The following CAPN7 variants were observed in gnomAD, a reference collection of about 807,000 sequenced individuals.
The protein encoded by CAPN7 is calpain 7.
A neutral mutation model predicts 115.2 loss-of-function variants in CAPN7; 72 were observed. The ratio of observed to expected loss-of-function variants is 0.63; its 90% CI spans 0.52 to 0.76. The LOEUF (loss-of-function observed/expected upper bound fraction) is 0.76, where lower values mean the gene tolerates loss of function less well. CAPN7 is among the 30% of genes least tolerant of loss of function. The pLI is 0.00. For missense variants in CAPN7, 905 were observed against 971.5 expected (o/e 0.93, Z 0.91); for synonymous variants, 344 against 322.3 (o/e 1.07, Z -0.72).
At chr3:15,238,766 T>C (rs1241389196) in intron 12 of CAPN7, among the ~76,000 whole-genome samples, 3 of 151,890 alleles carry the variant, frequency 2.0e-5, no homozygotes, top group Non-Finnish European at 2.9e-5. Context: ...GGTGTTATCA[T>C]AGAATTTCTG....
rs1182191619 is a variant in CAPN7, at chr3:15,252,864, G to A, written c.*1604G>A. ...ATTGAGTGTTTACTATGTACCCAAT[G>A]TGTATATTTTTCTTTTTAATCTTCC... On this transcript the variant is annotated 3_prime_UTR_variant, in exon 21 of 21. Transcript: ENST00000253693. The A allele has an allele frequency of 7.5e-6, 1 of 132,482 alleles. No homozygotes were observed. Among genetic ancestry groups the A allele is most frequent in the Admixed American group, 7.0e-5 (1 of 14,350 alleles). 8.2% of individuals were successfully genotyped at this position (132,482 alleles called of 1,614,324 possible).
intron 17 of CAPN7, chr3:15,246,468 T>C: frequency 2.5e-6 from 1 of 406,250 alleles, no homozygotes; most frequent in Non-Finnish European, 4.4e-6. Context: ...TGGGAGCTGC[T>C]GCCACCCATT....
chr3:15,208,759 A>C (rs756256994), intron 1 of CAPN7, among the ~76,000 whole-genome samples: 12 of 152,174 alleles, frequency 7.9e-5, no homozygotes, highest in Non-Finnish European at 1.5e-4. Context: ...CAGAATTGAT[A>C]AATCAAAGGG....
intron 1 of CAPN7, chr3:15,210,853 A>T: frequency 7.8e-7 from 1 of 1,289,592 alleles, no homozygotes; most frequent in Non-Finnish European, 1.0e-6. Context: ...AGTGATGTTC[A>T]GTAGATGGCA....
Position 15,241,577 on chromosome 3 carries a change from A to T in CAPN7, c.1777A>T (p.Ile593Leu), listed in dbSNP as rs148188341. The T allele has an allele frequency of 6.2e-6, 10 of 1,613,872 alleles. No individual in the cohort carries two copies. The highest frequency in any genetic ancestry group is 7.6e-6 in the Non-Finnish European group (9 of 1,179,922). The change falls in exon 15 of 21, where the codon ATA becomes TTA. Residue 593 changes from isoleucine (I) to leucine (L), a missense_variant. Ile to Leu is a conservative substitution (Grantham distance 5). Coordinates refer to ENST00000253693, the MANE Select transcript of CAPN7 (RefSeq NM_014296.3). ...AGTTTGGGTTTTGCTTAGTAGACAC[A>T]TAACAGACAAGGTACTGATACCCTT... ...AAVWVLLSRH[I>L]TDKDDFANNR...
intron 19 of CAPN7, among the ~76,000 whole-genome samples, chr3:15,248,165 T>TA (rs1332639914): frequency 3.3e-5 from 5 of 151,356 alleles, no homozygotes; most frequent in South Asian, 2.1e-4. Context: ...CCCTAAAACT[T>TA]AAAGTATAAT....
chr3:15,221,303 C>T (rs928257774), intron 5 of CAPN7, among the ~76,000 whole-genome samples: 1 of 151,566 alleles, frequency 6.6e-6, no homozygotes, highest in African/African-American at 2.4e-5. Context: ...CCTCAGCCTC[C>T]CAAGTAGCTG....
chr3:15,249,768 T>C (rs1695892340), intron 19 of CAPN7, among the ~76,000 whole-genome samples: 2 of 151,824 alleles, frequency 1.3e-5, no homozygotes. Flanking sequence ...TAACAATTTT[T>C]TTTTTCTTTT....
At chr3:15,247,179 G>C in intron 18 of CAPN7, 148 bp from the exon 19 acceptor site, 1 of 609,422 alleles carries the variant, frequency 1.6e-6, no homozygotes, top group Non-Finnish European at 2.8e-6. Context: ...CAGCCTGGCT[G>C]TCAGCAGCAA....
chr3:15,243,166 G>A (rs1013791355), intron 16 of CAPN7, among the ~76,000 whole-genome samples: 1 of 152,186 alleles, frequency 6.6e-6, no homozygotes, highest in Admixed American at 6.5e-5. Context: ...GGAACAGCAA[G>A]TACAAGGACC....
At chr3:15,218,667 C>A (rs1057257480) in intron 4 of CAPN7, 127 bp downstream of exon 4, 16 of 698,474 alleles carry the variant, frequency 2.3e-5, no homozygotes, top group Non-Finnish European at 3.8e-5. Context: ...TGAAACAAAT[C>A]TACTTTCTAC....
Position 15,235,122 on chromosome 3 carries a change from GT to G in CAPN7, c.1388del (p.Leu463TrpfsTer14), listed in dbSNP as rs1308161880. ...WGLVPTHAYA[V>X]LDIREFKGLR... ...TCTGGTTCCCACACACGCATATGCTGTTTTGGATATTAGAGAGTTCAAGGTT... is the reference window on the plus strand; with the variant it reads ...TCTGGTTCCCACACACGCATATGCTGTTTGGATATTAGAGAGTTCAAGGTT... On this transcript the variant is annotated frameshift_variant, in exon 12 of 21. Coordinates refer to ENST00000253693, the MANE Select transcript of CAPN7 (RefSeq NM_014296.3). LOFTEE classifies it high-confidence loss of function. 6.2e-7 allele frequency: 1 copy of G among 1,611,508 alleles called. No individual in the cohort carries two copies. The highest frequency in any genetic ancestry group is 8.5e-7 in the Non-Finnish European group (1 of 1,179,264).
intron 2 of CAPN7, among the ~76,000 whole-genome samples, chr3:15,214,471 C>G (rs1417413234): frequency 6.6e-6 from 1 of 151,946 alleles, no homozygotes. Context: ...GCCTGTAATC[C>G]CAGCACTTTG....
chr3:15,248,178 A>T (rs1168384685), intron 19 of CAPN7, among the ~76,000 whole-genome samples: 1 of 152,002 alleles, frequency 6.6e-6, no homozygotes, highest in East Asian at 1.9e-4. Context: ...AGTATAATAA[A>T]AAAATAAATA....
chr3:15,231,267 C>A (rs917702771), intron 9 of CAPN7, among the ~76,000 whole-genome samples: 3 of 152,156 alleles, frequency 2.0e-5, no homozygotes, highest in African/African-American at 7.2e-5. Context: ...TTCTGGACCT[C>A]ACGCCCAGAG....
At chr3:15,219,736 C>T (rs1693852353) in intron 4 of CAPN7, among the ~76,000 whole-genome samples, 1 of 152,164 alleles carries the variant, frequency 6.6e-6, no homozygotes, top group Non-Finnish European at 1.5e-5. Flanking sequence ...CATATATGCA[C>T]CTCAGGTTAA....
chr3:15,243,516 C>T (rs965762142), intron 16 of CAPN7, among the ~76,000 whole-genome samples: 1 of 152,112 alleles, frequency 6.6e-6, no homozygotes, highest in African/African-American at 2.4e-5. Flanking sequence ...GATTAACACC[C>T]AGGATCTGAC....
intron 9 of CAPN7, among the ~76,000 whole-genome samples, chr3:15,231,594 A>G (rs566086542): frequency 2.0e-3 from 299 of 152,084 alleles, no homozygotes; most frequent in Non-Finnish European, 2.1e-3. Context: ...CAATGGCACA[A>G]TCTCGGCTCA....
At position 15,250,988 on chromosome 3, in the gene CAPN7, C is replaced by T. The variant is rs751181911; in HGVS notation, c.2262C>T (p.Pro754=). Residue 754 remains proline, a synonymous_variant, in exon 20 of 21, where the codon CCC becomes CCT. Transcript: ENST00000253693. ...VTVSTLGDPG[P]HGFLRKSSGD... is the part of the protein sequence containing the mutation. ...TTTCTACTCTAGGAGATCCTGGTCC[C>T]CATGGCTTTCTGAGGAAATCTAGTG... The T allele has an allele frequency of 6.2e-7, 1 of 1,613,562 alleles. No individual in the cohort carries two copies. The highest frequency in any genetic ancestry group is 1.1e-5 in the South Asian group (1 of 91,066).
Sources: allele counts gnomAD v4.1 joint callset (sites outside exome capture counted in the v4.1 genomes callset), GRCh38; gene constraint gnomAD v4.1.1; transcripts MANE v1.5; gene names NCBI Gene and HGNC (gene_info 2026-07-23, HGNC 2026-07-21).